ZHX3: variants seen among roughly 807,000 people sequenced by gnomAD.
ZHX3 encodes the protein zinc fingers and homeoboxes protein 3.
In ZHX3, 20 loss-of-function variants were observed where a neutral mutation model predicts 64.5. The ratio of observed to expected loss-of-function variants is 0.31; its 90% CI spans 0.22 to 0.45. ZHX3 has a LOEUF of 0.45. Ranked by LOEUF, ZHX3 falls within the 20% of genes least tolerant of loss-of-function variation. The pLI is 1.00. For synonymous variants in ZHX3, 423 were observed against 461.6 expected (o/e 0.92, Z 1.07); for missense variants, 1,041 against 1,195.8 (o/e 0.87, Z 1.91).
chr20:41,226,016 G>T lies in ZHX3; in HGVS notation c.-150-20950C>A, dbSNP rs535277753. Among the ~76,000 whole-genome samples the T allele has an allele frequency of 1.3e-5, 2 of 152,218 alleles. No homozygotes were observed. The highest frequency in any genetic ancestry group is 6.5e-5 in the Admixed American group (1 of 15,306). On this transcript the variant is annotated intron_variant, in intron 2 of 3. Transcript: ENST00000683867. The surrounding 1 kb of genome is among the most constrained non-coding windows in gnomAD (Gnocchi z 4.4). ...AAATGAAGTTATATTTCAAGATGTA[G>T]CCCAACTAGAAGAGAATGAAAAGCA... is the stretch of plus-strand genomic sequence containing the variant.
intron 2 of ZHX3, among the ~76,000 whole-genome samples, chr20:41,216,627 A>G (rs180880920): frequency 7.9e-4 from 121 of 152,306 alleles, no homozygotes; most frequent in African/African-American, 2.7e-3. Context: ...CATTCTCCTG[A>G]TAAGAGACAT....
intron 2 of ZHX3, among the ~76,000 whole-genome samples, chr20:41,218,190 T>C (rs1362323857): frequency 6.6e-6 from 1 of 151,128 alleles, no homozygotes; most frequent in African/African-American, 2.4e-5. Flanking sequence ...ATACCTGCAA[T>C]CCCAGCACTT....
chr20:41,214,789 T>C (rs1443540158), intron 2 of ZHX3, among the ~76,000 whole-genome samples: 2 of 152,240 alleles, frequency 1.3e-5, no homozygotes, highest in Non-Finnish European at 2.9e-5. Context: ...AATGAGGCAC[T>C]ACCATGTGGA....
chr20:41,312,318 G>T (rs1199729550), intron 1 of ZHX3, among the ~76,000 whole-genome samples: 1 of 152,158 alleles, frequency 6.6e-6, no homozygotes, highest in Non-Finnish European at 1.5e-5. Flanking sequence ...GGACAAATAA[G>T]GGAATAAAAG....
chr20:41,240,873 C>A (rs1298908227), intron 2 of ZHX3, among the ~76,000 whole-genome samples: 3 of 152,218 alleles, frequency 2.0e-5, no homozygotes, highest in Non-Finnish European at 2.9e-5. Context: ...AATAGTACTT[C>A]ATTGTGTATA....
chr20:41,187,288 C>A (rs186623422), intron 3 of ZHX3, among the ~76,000 whole-genome samples: 1 of 133,018 alleles, frequency 7.5e-6, no homozygotes, highest in Non-Finnish European at 1.5e-5. Context: ...TTTGATTGTA[C>A]CACTGCACTC....
At chr20:41,249,468 A>G (rs928780054) in intron 2 of ZHX3, among the ~76,000 whole-genome samples, 5 of 152,180 alleles carry the variant, frequency 3.3e-5, no homozygotes, top group Middle Eastern at 3.2e-3. Context: ...CCTTTAAAGC[A>G]GACACGAAGA....
intron 3 of ZHX3, among the ~76,000 whole-genome samples, chr20:41,191,859 G>A (rs750014410): frequency 3.3e-5 from 5 of 152,172 alleles, no homozygotes; most frequent in Non-Finnish European, 7.3e-5. Flanking sequence ...ATGCCAGGTG[G>A]GCCATTCTCC....
chr20:41,250,897 A>G (rs939293128), intron 2 of ZHX3, among the ~76,000 whole-genome samples: 12 of 152,318 alleles, frequency 7.9e-5, no homozygotes, highest in Middle Eastern at 3.4e-3. Context: ...CTGTAATCCT[A>G]TGACTTTGGG....
intron 2 of ZHX3, among the ~76,000 whole-genome samples, chr20:41,263,173 A>G (rs1250379213): frequency 6.6e-6 from 1 of 152,188 alleles, no homozygotes; most frequent in Admixed American, 6.5e-5. Flanking sequence ...AGAACCTTCA[A>G]AGATAAGTTA....
At chr20:41,237,086 T>C (rs376775434) in intron 2 of ZHX3, among the ~76,000 whole-genome samples, 1 of 152,162 alleles carries the variant, frequency 6.6e-6, no homozygotes, top group Non-Finnish European at 1.5e-5. Context: ...CCAGTTAGAA[T>C]GGCAATCATT....
chr20:41,229,569 AT>A (rs2040471658), intron 2 of ZHX3, among the ~76,000 whole-genome samples: 2 of 151,780 alleles, frequency 1.3e-5, no homozygotes, highest in South Asian at 4.2e-4. Flanking sequence ...AATATCTGTT[AT>A]TTTCTTTTTT....
intron 2 of ZHX3, among the ~76,000 whole-genome samples, chr20:41,259,680 A>T (rs936463951): frequency 2.0e-5 from 3 of 152,142 alleles, no homozygotes; most frequent in African/African-American, 7.2e-5. Context: ...AGAGAAAAAG[A>T]AAAGAATTAG....
chr20:41,207,418 C>G (rs1420677133), intron 2 of ZHX3, among the ~76,000 whole-genome samples: 1 of 152,162 alleles, frequency 6.6e-6, no homozygotes. Flanking sequence ...AGCACACTTA[C>G]TCCAAAATTG....
At chr20:41,230,534 A>C (rs2040539808) in intron 2 of ZHX3, among the ~76,000 whole-genome samples, 1 of 152,216 alleles carries the variant, frequency 6.6e-6, no homozygotes, top group Non-Finnish European at 1.5e-5. Flanking sequence ...GGCTAATGTG[A>C]ATTGAGATGT....
chr20:41,197,841 C>T (rs1350326868), intron 3 of ZHX3, among the ~76,000 whole-genome samples: 2 of 152,094 alleles, frequency 1.3e-5, no homozygotes, highest in African/African-American at 4.8e-5. Flanking sequence ...ACTATTTAGA[C>T]AGATTACATC....
chr20:41,207,621 A>G (rs1432610119), intron 2 of ZHX3, among the ~76,000 whole-genome samples: 1 of 152,302 alleles, frequency 6.6e-6, no homozygotes, highest in Non-Finnish European at 1.5e-5. Context: ...ATGAAGGCAC[A>G]AAGAAAGATG....
intron 3 of ZHX3, among the ~76,000 whole-genome samples, chr20:41,197,999 C>CTTTTTTTTT (rs11478855): frequency 9.1e-6 from 1 of 110,396 alleles, no homozygotes; most frequent in Non-Finnish European, 1.7e-5. Flanking sequence ...AACTAGTGCT[C>CTTTTTTTTT]TTTTTTTTTT....
intron 2 of ZHX3, among the ~76,000 whole-genome samples, chr20:41,235,929 C>G (rs374834183): frequency 1.9e-4 from 29 of 152,258 alleles, no homozygotes; most frequent in East Asian, 1.4e-3. Context: ...AAAGTCTCAG[C>G]ATACAAAATC....
Sources: allele counts gnomAD v4.1 joint callset (sites outside exome capture counted in the v4.1 genomes callset), GRCh38; gene constraint gnomAD v4.1.1; non-coding constraint Gnocchi (gnomAD v3.1); transcripts MANE v1.5; gene names NCBI Gene and HGNC (gene_info 2026-07-23, HGNC 2026-07-21).